CHSY3: variants seen among roughly 807,000 people sequenced by gnomAD.
CHSY3 encodes chondroitin sulfate synthase 3, also known as N-acetylgalactosaminyl-proteoglycan 3-beta-glucuronosyltransferase 3.
CHSY3 carries 35 observed loss-of-function variants against 67.2 expected under a neutral mutation model. The observed-to-expected ratio is 0.52, with a 90% CI of 0.40 to 0.69. The LOEUF (loss-of-function observed/expected upper bound fraction) is 0.69, where lower values mean the gene tolerates loss of function less well. CHSY3 is among the 30% of genes least tolerant of loss of function. CHSY3 has a pLI of 0.00. For missense variants in CHSY3, 1,069 were observed against 1,138.5 expected, an observed-to-expected ratio of 0.94 and a Z score of 0.88; for synonymous variants, 474 against 434.7, an observed-to-expected ratio of 1.09 and a Z score of -1.12.
chr5:129,945,200 G>T (rs1761814558), intron 2 of CHSY3, among the ~76,000 whole-genome samples: 1 of 152,206 alleles, frequency 6.6e-6, no homozygotes, highest in Admixed American at 6.5e-5. Flanking sequence ...GTAATCTACT[G>T]CCCTGGATAT....
intron 2 of CHSY3, among the ~76,000 whole-genome samples, chr5:129,927,531 AC>A (rs1761157183): frequency 6.6e-6 from 1 of 152,030 alleles, no homozygotes; most frequent in Non-Finnish European, 1.5e-5. Context: ...ATTGATTGAA[AC>A]AGTTGATATC....
intron 2 of CHSY3, among the ~76,000 whole-genome samples, chr5:129,957,475 T>C (rs974639749): frequency 1.3e-5 from 2 of 152,114 alleles, no homozygotes. Context: ...GCCTGATTGA[T>C]CTTCATATAT....
chr5:129,905,879 C>A (rs1760272566), intron 1 of CHSY3: 1 of 809,898 alleles, frequency 1.2e-6, no homozygotes, highest in Non-Finnish European at 1.8e-6. Flanking sequence ...TTGCTGTTTT[C>A]GGTGCCGCCT....
intron 2 of CHSY3, among the ~76,000 whole-genome samples, chr5:129,918,726 G>A (rs1760813467): frequency 6.6e-6 from 1 of 151,714 alleles, no homozygotes; most frequent in Non-Finnish European, 1.5e-5. Flanking sequence ...CCCAAAAGCT[G>A]TAGTTAGAAT....
intron 2 of CHSY3, among the ~76,000 whole-genome samples, chr5:130,179,378 C>T (rs1261547583): frequency 2.6e-5 from 4 of 151,952 alleles, no homozygotes; most frequent in Non-Finnish European, 4.4e-5. Flanking sequence ...TTAGCCTACC[C>T]TCCTATCAAT....
chr5:130,061,448 AG>A (rs1393469265), intron 2 of CHSY3, among the ~76,000 whole-genome samples: 3 of 152,170 alleles, frequency 2.0e-5, no homozygotes, highest in Non-Finnish European at 4.4e-5. Context: ...AAACTATAAA[AG>A]TCACAGAAGA....
At chr5:130,158,679 A>T (rs1580788634) in intron 2 of CHSY3, among the ~76,000 whole-genome samples, 1 of 152,348 alleles carries the variant, frequency 6.6e-6, no homozygotes, top group East Asian at 1.9e-4. Flanking sequence ...AAAGGAAAGT[A>T]TGGGTGAGCT....
At chr5:130,158,230 C>A (rs866138910) in intron 2 of CHSY3, among the ~76,000 whole-genome samples, 45 of 152,142 alleles carry the variant, frequency 3.0e-4, no homozygotes, top group African/African-American at 1.1e-3. Flanking sequence ...TTATCCAGCC[C>A]CTATTCAAGA....
intron 2 of CHSY3, among the ~76,000 whole-genome samples, chr5:129,999,710 T>C (rs1195410243): frequency 1.3e-5 from 2 of 152,196 alleles, no homozygotes; most frequent in Non-Finnish European, 2.9e-5. Flanking sequence ...CCTTTGGGAA[T>C]TTATTCCTCT....
chr5:130,161,311 C>T (rs1223711232), intron 2 of CHSY3, among the ~76,000 whole-genome samples: 1 of 152,128 alleles, frequency 6.6e-6, no homozygotes, highest in African/African-American at 2.4e-5. Flanking sequence ...AGTGCTCTTT[C>T]TGGATTGTTC....
chr5:129,905,223 G>T lies in CHSY3; in HGVS notation c.394G>T (p.Gly132Trp). Residue 132 changes from glycine (G) to tryptophan (W), a missense_variant, in exon 1 of 3, where the codon GGG becomes TGG. Physicochemically the swap from Gly to Trp is radical, Grantham distance 184. Coordinates refer to ENST00000305031, the MANE Select transcript of CHSY3 (RefSeq NM_175856.5). Reference protein sequence around the residue: ...TGLPGAPAAEGEPEEEDGGAA... With the variant: ...TGLPGAPAAEWEPEEEDGGAA... Reference sequence around the variant, plus strand: ...GCTTCCCGGTGCTCCAGCGGCCGAGGGGGAGCCCGAGGAGGAGGACGGGGG... The same window carrying T: ...GCTTCCCGGTGCTCCAGCGGCCGAGTGGGAGCCCGAGGAGGAGGACGGGGG... The T allele has an allele frequency of 1.3e-6, 2 of 1,502,290 alleles. No homozygotes were observed. Among genetic ancestry groups the T allele is most frequent in the Non-Finnish European group, 1.8e-6 (2 of 1,132,082 alleles). 93.1% of individuals were successfully genotyped at this position (1,502,290 alleles called of 1,614,324 possible). A position where few individuals can be genotyped will look rare whatever the true frequency, so the allele number is the denominator to read the frequency against.
At chr5:130,157,784 T>G (rs1769415976) in intron 2 of CHSY3, among the ~76,000 whole-genome samples, 1 of 92,678 alleles carries the variant, frequency 1.1e-5, no homozygotes, top group Non-Finnish European at 2.3e-5. Context: ...CGCCACTGGT[T>G]GCCCATTTTT....
chr5:129,975,678 T>C (rs1762785052), intron 2 of CHSY3, among the ~76,000 whole-genome samples: 1 of 152,194 alleles, frequency 6.6e-6, no homozygotes, highest in Non-Finnish European at 1.5e-5. Flanking sequence ...TTTGATGTGT[T>C]CCACGTATTC....
chr5:129,959,890 T>G (rs923577064), intron 2 of CHSY3, among the ~76,000 whole-genome samples: 8 of 152,144 alleles, frequency 5.3e-5, no homozygotes, highest in African/African-American at 1.7e-4. Flanking sequence ...TTCTCTGATA[T>G]CATACTTGAT....
intron 2 of CHSY3, among the ~76,000 whole-genome samples, chr5:129,915,503 A>G (rs1314926938): frequency 1.3e-5 from 2 of 152,220 alleles, no homozygotes; most frequent in African/African-American, 2.4e-5. Context: ...CAATTTTTGA[A>G]GTAACAGATG....
intron 2 of CHSY3, among the ~76,000 whole-genome samples, chr5:129,941,345 G>A (rs996734378): frequency 5.3e-5 from 8 of 151,992 alleles, no homozygotes; most frequent in Non-Finnish European, 1.0e-4. Context: ...TATTATTTAC[G>A]TAAATCAATA....
intron 2 of CHSY3, among the ~76,000 whole-genome samples, chr5:130,107,435 C>A (rs556142177): frequency 6.6e-6 from 1 of 150,394 alleles, no homozygotes; most frequent in Non-Finnish European, 1.5e-5. Context: ...GTATTCCTTA[C>A]GGGGCTAGTG....
At chr5:130,174,949 A>G (rs1770000442) in intron 2 of CHSY3, among the ~76,000 whole-genome samples, 1 of 152,172 alleles carries the variant, frequency 6.6e-6, no homozygotes, top group Admixed American at 6.5e-5. Context: ...TGAGACATAC[A>G]TGGAAAAGAG....
chr5:130,043,552 T>C (rs1201390303), intron 2 of CHSY3, among the ~76,000 whole-genome samples: 1 of 152,180 alleles, frequency 6.6e-6, no homozygotes, highest in Non-Finnish European at 1.5e-5. Context: ...ACAGGAATAA[T>C]GCAGCAGCAT....
Sources: allele counts gnomAD v4.1 joint callset (sites outside exome capture counted in the v4.1 genomes callset), GRCh38; gene constraint gnomAD v4.1.1; transcripts MANE v1.5; gene names NCBI Gene and HGNC (gene_info 2026-07-23, HGNC 2026-07-21).